The following ZFPM1 variants were observed in gnomAD, a reference collection of about 807,000 sequenced individuals.
The protein encoded by ZFPM1 is zinc finger protein ZFPM1.
In ZFPM1, 28 loss-of-function variants were observed where a neutral mutation model predicts 46.3. That is an observed-to-expected ratio of 0.60 (90% CI 0.45 to 0.83). The LOEUF (loss-of-function observed/expected upper bound fraction) is 0.83. Among genes scored for constraint, ZFPM1 ranks in the 40% least tolerant of loss-of-function variants. ZFPM1 has a pLI of 0.00. For missense variants in ZFPM1, 1,878 were observed against 1,432.4 expected, an observed-to-expected ratio of 1.31 and a Z score of -5.02; for synonymous variants, 957 against 675.9, an observed-to-expected ratio of 1.42 and a Z score of -6.45.
intron 4 of ZFPM1, 74 bp from the exon 5 acceptor site, chr16:88,526,740 C>T (rs1226770998): frequency 6.7e-7 from 1 of 1,486,392 alleles, no homozygotes; most frequent in Non-Finnish European, 9.1e-7. Flanking sequence ...CACAGATGCC[C>T]CACATACTCA....
chr16:88,460,967 TGGTGAGGACCGAGGGGA>T lies in ZFPM1; in HGVS notation c.40+7292_40+7308del, dbSNP rs1567525465. On this transcript the variant is annotated intron_variant, in intron 1 of 9. Transcript: ENST00000319555. ...TGACCGAGGGGCGGGGCGGGAGGCC[TGGTGAGGACCGAGGGGA>T]GGGGCGGGAGGCCTGGTGAGGACCG... Among the ~76,000 whole-genome samples the T allele has an allele frequency of 2.1e-3, 29 of 13,684 alleles. 2 individuals are homozygous for T. The highest frequency in any genetic ancestry group is 7.8e-3 in the African/African-American group (28 of 3,568). The allele number at this position is 13,684 out of a possible 152,430, so 9.0% of individuals were successfully genotyped here. A position where few individuals can be genotyped will look rare whatever the true frequency, so the allele number is the denominator to read the frequency against.
At chr16:88,521,061 GGGTGGGTGGGTGGATGGATGATTAGGT>G (rs1911842921) in intron 4 of ZFPM1, among the ~76,000 whole-genome samples, 2 of 109,662 alleles carry the variant, frequency 1.8e-5, no homozygotes, top group Non-Finnish European at 4.3e-5. Context: ...ATGGATGGGA[GGGTGGGTGGGTGGATGGATGATTAGGT>G]GGGTGGGTGG....
At chr16:88,485,877 T>C in intron 1 of ZFPM1, 62 bp from the exon 2 acceptor site, 2 of 1,522,292 alleles carry the variant, frequency 1.3e-6, no homozygotes, top group Non-Finnish European at 1.8e-6. Context: ...CCAGGAGGGG[T>C]CAGGAGGCAG....
chr16:88,462,109 G>T (rs1045941524), intron 1 of ZFPM1, among the ~76,000 whole-genome samples: 3 of 152,220 alleles, frequency 2.0e-5, no homozygotes, highest in African/African-American at 7.2e-5. Context: ...CTGATCTTGG[G>T]CAGAGCCGCG....
At position 88,533,493 on chromosome 16, in the gene ZFPM1, G is replaced by T; in HGVS notation, c.1535G>T (p.Ser512Ile). The change falls in exon 10 of 10, where the codon AGC (serine) becomes ATC (isoleucine). Residue 512 changes from serine to isoleucine, a missense_variant. Ser to Ile is a moderately radical substitution (Grantham distance 142, BLOSUM62 -2). Coordinates refer to ENST00000319555, the MANE Select transcript of ZFPM1 (RefSeq NM_153813.3). ...AELSSPTPGSSPVPGELGLAG... is the reference protein window; with the variant it reads ...AELSSPTPGSIPVPGELGLAG... ...CTGTCCAGCCCCACGCCGGGCTCCA[G>T]CCCGGTGCCCGGCGAGCTGGGCCTG... 7.1e-7 allele frequency: 1 copy of T among 1,400,702 alleles called. No homozygotes were observed. 86.8% of individuals were successfully genotyped at this position (1,400,702 alleles called of 1,614,324 possible).
intron 3 of ZFPM1, among the ~76,000 whole-genome samples, 190 bp from the exon 4 acceptor site, chr16:88,514,197 C>T (rs1186305060): frequency 6.6e-6 from 1 of 152,218 alleles, no homozygotes; most frequent in East Asian, 1.9e-4. Context: ...CCCTACACCC[C>T]ACAGTGCCCT....
chr16:88,486,157 G>C, intron 2 of ZFPM1, 114 bp downstream of exon 2: 1 of 1,120,014 alleles, frequency 8.9e-7, no homozygotes, highest in Non-Finnish European at 1.3e-6. Context: ...CTATATGCAG[G>C]AGTCCAGGAC....
intron 1 of ZFPM1, among the ~76,000 whole-genome samples, chr16:88,460,889 T>G (rs1484110239): frequency 7.4e-6 from 1 of 134,742 alleles, no homozygotes; most frequent in African/African-American, 2.6e-5. Context: ...GGCTAAGGAC[T>G]GAGGGATGGG....
At chr16:88,454,267 G>A (rs1026005538) in intron 1 of ZFPM1, among the ~76,000 whole-genome samples, 8 of 152,282 alleles carry the variant, frequency 5.3e-5, no homozygotes, top group African/African-American at 1.9e-4. Flanking sequence ...GGACAGGGGA[G>A]GGGGTAGCGC....
chr16:88,457,165 G>C (rs968265906), intron 1 of ZFPM1, among the ~76,000 whole-genome samples: 1 of 152,258 alleles, frequency 6.6e-6, no homozygotes. Flanking sequence ...TCCAGAGAGG[G>C]CTGGGTTGGG....
chr16:88,475,793 C>G (rs530285552), intron 1 of ZFPM1, among the ~76,000 whole-genome samples: 29 of 152,308 alleles, frequency 1.9e-4, no homozygotes, highest in South Asian at 1.4e-3. Context: ...CAGAGGAGCC[C>G]CAGCATTGCC....
In ZFPM1 at chr16:88,461,067, C is replaced by G. The variant is rs140570250; in HGVS notation, c.40+7389C>G. On this transcript the variant is annotated intron_variant, in intron 1 of 9. Coordinates refer to ENST00000319555, the MANE Select transcript of ZFPM1 (RefSeq NM_153813.3). ...GGGGCGGGAGGCCCTGGTGAGGACCCAGGGGCAGAAGGTCTGGTGAGGACC... is the reference window on the plus strand; with the variant it reads ...GGGGCGGGAGGCCCTGGTGAGGACCGAGGGGCAGAAGGTCTGGTGAGGACC... Among the ~76,000 whole-genome samples the G allele has an allele frequency of 8.7e-3, 581 of 66,612 alleles. 29 individuals carry two copies. The highest frequency in any genetic ancestry group is 0.016 in the African/African-American group (146 of 8,992). The allele number at this position is 66,612 out of a possible 152,430, so 43.7% of individuals were successfully genotyped here. A position where few individuals can be genotyped will look rare whatever the true frequency, so the allele number is the denominator to read the frequency against.
chr16:88,473,126 C>T (rs766436393), intron 1 of ZFPM1, among the ~76,000 whole-genome samples: 1 of 152,252 alleles, frequency 6.6e-6, no homozygotes, highest in Non-Finnish European at 1.5e-5. Context: ...GACCCTGGAA[C>T]GAGGAAAAGG....
intron 5 of ZFPM1, among the ~76,000 whole-genome samples, chr16:88,527,362 G>C (rs570512883): frequency 6.6e-6 from 1 of 152,282 alleles, no homozygotes; most frequent in East Asian, 1.9e-4. Context: ...GAAGTCGAGG[G>C]GCCTTGCCGT....
chr16:88,469,493 G>A lies in ZFPM1; in HGVS notation c.40+15815G>A, dbSNP rs1908314338. Among the ~76,000 whole-genome samples the A allele has an allele frequency of 6.6e-6, 1 of 152,170 alleles. No homozygotes were observed. Among genetic ancestry groups the A allele is most frequent in the Admixed American group, 6.5e-5 (1 of 15,288 alleles). On this transcript the variant is annotated intron_variant, in intron 1 of 9. Coordinates refer to ENST00000319555, the MANE Select transcript of ZFPM1 (RefSeq NM_153813.3). This position sits in a 1 kb window ranked among gnomAD's most constrained non-coding sequence, Gnocchi z 4.3. ...TGGCTGTGGCATAGCCTGGAAACCT[G>A]GGGTCTTCCAGATTTCCCATTGTCA...
chr16:88,519,048 A>AGATGGATAGATG (rs1911582254), intron 4 of ZFPM1, among the ~76,000 whole-genome samples: 2 of 107,924 alleles, frequency 1.9e-5, no homozygotes, highest in African/African-American at 8.0e-5. Flanking sequence ...GTGGATGGAT[A>AGATGGATAGATG]GATGGATGGA....
intron 1 of ZFPM1, among the ~76,000 whole-genome samples, chr16:88,458,377 C>T (rs1236455963): frequency 6.6e-6 from 1 of 152,206 alleles, no homozygotes; most frequent in Non-Finnish European, 1.5e-5. Context: ...CCGGGCCTTC[C>T]TTGGGCCTGG....
chr16:88,460,217 T>C (rs1907755190), intron 1 of ZFPM1, among the ~76,000 whole-genome samples: 1 of 152,172 alleles, frequency 6.6e-6, no homozygotes, highest in South Asian at 2.1e-4. Context: ...AGAGGGGTTT[T>C]GGGTCCAGGC....
At chr16:88,495,172 G>A (rs957256030) in intron 3 of ZFPM1, among the ~76,000 whole-genome samples, 21 of 152,220 alleles carry the variant, frequency 1.4e-4, no homozygotes, top group African/African-American at 2.9e-4. Flanking sequence ...GGGTGGAGCC[G>A]GGGTCCCATT....
Sources: allele counts gnomAD v4.1 joint callset (sites outside exome capture counted in the v4.1 genomes callset), GRCh38; gene constraint gnomAD v4.1.1; non-coding constraint Gnocchi (gnomAD v3.1); transcripts MANE v1.5; gene names NCBI Gene and HGNC (gene_info 2026-07-23, HGNC 2026-07-21).